The following GRID2 variants were observed in gnomAD, a reference collection of about 807,000 sequenced individuals.
The protein encoded by GRID2 is glutamate ionotropic receptor delta type subunit 2, also known as glutamate receptor ionotropic, delta-2.
A neutral mutation model predicts 114.8 loss-of-function variants in GRID2; 33 were observed. The observed-to-expected ratio is 0.29, with a 90% CI of 0.22 to 0.38. The LOEUF is 0.38. GRID2 is among the 10% of genes least tolerant of loss of function. The pLI, the probability that GRID2 is intolerant of heterozygous loss-of-function variation, is 1.00. For synonymous variants in GRID2, 505 were observed against 449.9 expected, an observed-to-expected ratio of 1.12 and a Z score of -1.55; for missense variants, 1,184 against 1,257.7, an observed-to-expected ratio of 0.94 and a Z score of 0.89.
intron 2 of GRID2, among the ~76,000 whole-genome samples, chr4:92,944,017 G>T (rs1376596760): frequency 6.6e-6 from 1 of 152,162 alleles, no homozygotes; most frequent in Admixed American, 6.5e-5. Flanking sequence ...TCCCAGTTAG[G>T]CTACTCAGGG....
chr4:93,040,277 C>G (rs1309807255), intron 2 of GRID2, among the ~76,000 whole-genome samples: 1 of 145,444 alleles, frequency 6.9e-6, no homozygotes, highest in East Asian at 2.0e-4. Flanking sequence ...GCAGGAGTTA[C>G]AGAATCACAA....
rs34480915 is a variant in GRID2 at position 93,159,693 on chromosome 4, A to ATT, written c.736-47696_736-47695dup. ...CAGATAAGAATTTTTTTCCATCTGCATTTTTTTTTTTTTTTTGCTTTTCTG... is the reference window on the plus strand; with the variant it reads ...CAGATAAGAATTTTTTTCCATCTGCATTTTTTTTTTTTTTTTTTGCTTTTCTG... On this transcript the variant is annotated intron_variant, in intron 4 of 15. Coordinates refer to ENST00000282020, the MANE Select transcript of GRID2 (RefSeq NM_001510.4). 2.9e-3 allele frequency among the ~76,000 whole-genome samples: 374 copies of ATT among 131,056 alleles called. 1 individual carries two copies. The highest frequency in any genetic ancestry group is 8.6e-3 in the South Asian group (36 of 4,204). 86.0% of individuals were successfully genotyped at this position (131,056 alleles called of 152,430 possible).
rs70942914 is a variant in GRID2 at position 92,587,098 on chromosome 4, C to CTGTGTGTGTGTGTGTGTG, written c.89-3007_89-2990dup. Among the ~76,000 whole-genome samples the CTGTGTGTGTGTGTGTGTG allele has an allele frequency of 4.8e-4, 64 of 133,844 alleles. 2 individuals are homozygous for CTGTGTGTGTGTGTGTGTG. The highest frequency in any genetic ancestry group is 1.6e-3 in the African/African-American group (59 of 36,482). 87.8% of individuals were successfully genotyped at this position (133,844 alleles called of 152,430 possible). On this transcript the variant is annotated intron_variant, in intron 1 of 15. Coordinates refer to ENST00000282020, the MANE Select transcript of GRID2 (RefSeq NM_001510.4). The stretch of plus-strand genomic sequence containing the variant: ...ATATATAGAGAGTACTGATGAAATG[C>CTGTGTGTGTGTGTGTGTG]TGTGTGTGTGTGTGTGTGTGTGTGT...
chr4:93,420,731 CTTAT>C (rs36041449), intron 9 of GRID2, among the ~76,000 whole-genome samples: 21,241 of 146,142 alleles, frequency 0.15, 1,733 homozygotes, highest in African/African-American at 0.21. Context: ...ATTATTTTTA[CTTAT>C]TTATTTATTT....
At chr4:93,542,905 C>T (rs928216523) in intron 13 of GRID2, among the ~76,000 whole-genome samples, 1 of 152,110 alleles carries the variant, frequency 6.6e-6, no homozygotes, top group African/African-American at 2.4e-5. Flanking sequence ...CTTCCTGAAG[C>T]CATGCTTGCG....
chr4:93,749,409 A>C (rs1306244519), intron 14 of GRID2, among the ~76,000 whole-genome samples: 1 of 152,206 alleles, frequency 6.6e-6, no homozygotes, highest in Non-Finnish European at 1.5e-5. Flanking sequence ...GGGGAAAGTG[A>C]AAGTTCAGTG....
intron 1 of GRID2, among the ~76,000 whole-genome samples, chr4:92,506,751 A>C (rs2149128051): frequency 6.6e-6 from 1 of 152,012 alleles, no homozygotes; most frequent in South Asian, 2.1e-4. Context: ...GCATTCAGGT[A>C]TTCCCAAATA....
chr4:92,385,651 C>G (rs1729911966), intron 1 of GRID2, among the ~76,000 whole-genome samples: 1 of 151,022 alleles, frequency 6.6e-6, no homozygotes, highest in African/African-American at 2.4e-5. Context: ...AAATTTTAGG[C>G]ATTTTACAGT....
At chr4:92,383,685 C>A (rs1729726811) in intron 1 of GRID2, among the ~76,000 whole-genome samples, 1 of 151,938 alleles carries the variant, frequency 6.6e-6, no homozygotes, top group African/African-American at 2.4e-5. Context: ...TCTTCCTCTT[C>A]TTTCTTTTCC....
intron 2 of GRID2, among the ~76,000 whole-genome samples, chr4:92,636,481 G>C (rs1731072021): frequency 6.6e-6 from 1 of 151,874 alleles, no homozygotes; most frequent in South Asian, 2.1e-4. Context: ...CAATATTTTT[G>C]CTCACAATCC....
intron 14 of GRID2, among the ~76,000 whole-genome samples, chr4:93,742,651 G>C (rs1731514669): frequency 3.3e-5 from 5 of 152,132 alleles, no homozygotes. Context: ...TGTGATCAGT[G>C]ATCTTGATGT....
intron 2 of GRID2, among the ~76,000 whole-genome samples, chr4:92,621,953 G>T (rs941572909): frequency 4.0e-4 from 61 of 151,908 alleles, no homozygotes; most frequent in African/African-American, 1.5e-3. Context: ...TTAGAAAGGA[G>T]CTAAAGAGGA....
At chr4:93,516,188 T>A (rs1396945936) in intron 13 of GRID2, among the ~76,000 whole-genome samples, 1 of 152,302 alleles carries the variant, frequency 6.6e-6, no homozygotes, top group Non-Finnish European at 1.5e-5. Context: ...AATAGTGGTA[T>A]ACACTTTTTC....
At chr4:93,654,737 T>C (rs116740147) in intron 14 of GRID2, among the ~76,000 whole-genome samples, 1,710 of 152,156 alleles carry the variant, frequency 0.011, 40 homozygotes, top group African/African-American at 0.039. Flanking sequence ...ATAAAAAGGA[T>C]TGGAATTTTT....
chr4:93,227,146 C>G (rs1296921989), intron 7 of GRID2, among the ~76,000 whole-genome samples: 1 of 152,124 alleles, frequency 6.6e-6, no homozygotes, highest in East Asian at 1.9e-4. Flanking sequence ...CTCCTATTGT[C>G]CTGATAAATA....
At position 93,103,651 on chromosome 4, in the gene GRID2, A is replaced by G. The variant is rs78785341; in HGVS notation, c.530-7097A>G. Among the ~76,000 whole-genome samples, 609 of 152,128 alleles carry G rather than the reference A, an allele frequency of 4.0e-3. 7 individuals are homozygous for G. Among genetic ancestry groups the G allele is most frequent in the African/African-American group, 0.014 (589 of 41,540 alleles). ...ATAACTACTTTTAAGGGAGGCAAGC[A>G]GAGTTGACTAAGAGATTATAATCTT... On this transcript the variant is annotated intron_variant, in intron 3 of 15. Coordinates refer to ENST00000282020, the MANE Select transcript of GRID2 (RefSeq NM_001510.4).
intron 6 of GRID2, among the ~76,000 whole-genome samples, chr4:93,223,270 T>C (rs1300037336): frequency 6.6e-6 from 1 of 152,138 alleles, no homozygotes; most frequent in Non-Finnish European, 1.5e-5. Context: ...TAATACTTCC[T>C]TATGAAGGAC....
intron 1 of GRID2, among the ~76,000 whole-genome samples, chr4:92,372,659 G>T (rs528319017): frequency 6.6e-6 from 1 of 152,152 alleles, no homozygotes; most frequent in South Asian, 2.1e-4. Flanking sequence ...CTGTTGTGGT[G>T]GTCTGGAACC....
chr4:93,565,453 A>G (rs1290621476), intron 13 of GRID2, among the ~76,000 whole-genome samples: 4 of 152,110 alleles, frequency 2.6e-5, no homozygotes, highest in Non-Finnish European at 4.4e-5. Flanking sequence ...AAAAGGAAAA[A>G]CCCTACATTT....
Sources: allele counts gnomAD v4.1 joint callset (sites outside exome capture counted in the v4.1 genomes callset), GRCh38; gene constraint gnomAD v4.1.1; transcripts MANE v1.5; gene names NCBI Gene and HGNC (gene_info 2026-07-23, HGNC 2026-07-21).